RYR2: variants seen among roughly 807,000 people sequenced by gnomAD.
The protein encoded by RYR2 is ryanodine receptor 2, also known as cardiac muscle ryanodine receptor-calcium release channel.
Under a neutral mutation model 601.1 loss-of-function variants are expected in RYR2, and 227 were observed. That is an observed-to-expected ratio of 0.38 (90% CI 0.34 to 0.42). The LOEUF (loss-of-function observed/expected upper bound fraction) is 0.42. Among genes scored for constraint, RYR2 ranks in the 10% least tolerant of loss-of-function variants. The pLI, the probability that RYR2 is intolerant of heterozygous loss-of-function variation, is 1.00. For missense variants in RYR2, 4,646 were observed against 6,156.5 expected (o/e 0.75, Z 8.21); for synonymous variants, 2,223 against 2,175.1 (o/e 1.02, Z -0.61).
intron 1 of RYR2, 102 bp from the exon 2 acceptor site, chr1:237,270,395 A>T (rs1320000460): frequency 6.7e-7 from 1 of 1,484,162 alleles, no homozygotes; most frequent in Non-Finnish European, 9.2e-7. Context: ...TTCGGCACAG[A>T]TTTTTAAAAT....
At chr1:237,511,296 C>CAAAA (rs764004466) in intron 23 of RYR2, among the ~76,000 whole-genome samples, 1 of 88,232 alleles carries the variant, frequency 1.1e-5, no homozygotes, top group Non-Finnish European at 2.4e-5. Flanking sequence ...GTGTATGGAC[C>CAAAA]AAAAAAAAAA....
chr1:237,047,387 G>T (rs77605052), intron 1 of RYR2, among the ~76,000 whole-genome samples: 16,089 of 102,276 alleles, frequency 0.16, 1,202 homozygotes, highest in Admixed American at 0.28. Flanking sequence ...ATCCTTTCTA[G>T]CCTTTTTTTT....
rs191382834 is a variant in RYR2 at position 237,801,413 on chromosome 1, A to G, written c.14091-443A>G. ...AAAAATTCGCTGGGAGCGGTAGCACATGCCTGTAATCCCAGCTACTCGGGA... is the reference window on the plus strand; with the variant it reads ...AAAAATTCGCTGGGAGCGGTAGCACGTGCCTGTAATCCCAGCTACTCGGGA... On this transcript the variant is annotated intron_variant, in intron 97 of 104. Coordinates refer to ENST00000366574, the MANE Select transcript of RYR2 (RefSeq NM_001035.3). Among the ~76,000 whole-genome samples, 6 of 151,052 alleles carry G rather than the reference A, an allele frequency of 4.0e-5. No homozygotes were observed. In the East Asian group the frequency reaches 9.8e-4, roughly 25 times the overall value.
intron 9 of RYR2, 87 bp from the exon 10 acceptor site, chr1:237,388,000 A>G: frequency 8.1e-7 from 1 of 1,234,638 alleles, no homozygotes; most frequent in Admixed American, 2.0e-5. Flanking sequence ...TTTCTTTACG[A>G]AAGTAGAAGA....
At chr1:237,381,319 T>C (rs968855231) in intron 8 of RYR2, among the ~76,000 whole-genome samples, 2 of 136,828 alleles carry the variant, frequency 1.5e-5, no homozygotes, top group East Asian at 4.5e-4. Flanking sequence ...GAAGAAGAGA[T>C]AGTTGGGAAA....
At chr1:237,246,426 C>CTG (rs760076833) in intron 1 of RYR2, among the ~76,000 whole-genome samples, 25 of 152,144 alleles carry the variant, frequency 1.6e-4, no homozygotes, top group Non-Finnish European at 3.1e-4. Context: ...TTGTTTTGTC[C>CTG]TGTCTCTGCC....
At chr1:237,200,337 T>A (rs913066738) in intron 1 of RYR2, among the ~76,000 whole-genome samples, 1 of 152,130 alleles carries the variant, frequency 6.6e-6, no homozygotes, top group Non-Finnish European at 1.5e-5. Context: ...TGATCTTCAT[T>A]CACTGCAGCC....
intron 2 of RYR2, among the ~76,000 whole-genome samples, chr1:237,326,617 A>G (rs1696200348): frequency 6.6e-6 from 1 of 152,232 alleles, no homozygotes; most frequent in African/African-American, 2.4e-5. Flanking sequence ...AGCGTACTAT[A>G]TGAAAGTTCT....
intron 101 of RYR2, among the ~76,000 whole-genome samples, chr1:237,821,377 G>T (rs1204144760): frequency 1.3e-5 from 2 of 152,146 alleles, no homozygotes; most frequent in Non-Finnish European, 2.9e-5. Flanking sequence ...GTGATACCCA[G>T]GCAAACAGGG....
Position 237,660,081 on chromosome 1 carries a change from A to AT in RYR2, c.8298+13dup. 6.8e-7 allele frequency: 1 copy of AT among 1,473,502 alleles called. No homozygotes were observed. The highest frequency in any genetic ancestry group is 9.0e-7 in the Non-Finnish European group (1 of 1,106,462). 91.3% of individuals were successfully genotyped at this position (1,473,502 alleles called of 1,614,324 possible). ...TAAGCTATTGTCTGAAAAGGTAAGG[A>AT]TTTTTTGTTTGTTTTAGTTTGTAAA... On this transcript the variant is annotated splice_region_variant and intron_variant, in intron 55 of 104. Coordinates refer to ENST00000366574, the MANE Select transcript of RYR2 (RefSeq NM_001035.3).
chr1:237,474,479 C>A (rs1176120709), intron 17 of RYR2, among the ~76,000 whole-genome samples: 2 of 151,930 alleles, frequency 1.3e-5, no homozygotes, highest in Non-Finnish European at 2.9e-5. Context: ...TTACAGACAA[C>A]CAGAAACATA....
At chr1:237,471,633 A>G (rs1193416686) in intron 17 of RYR2, among the ~76,000 whole-genome samples, 1 of 151,624 alleles carries the variant, frequency 6.6e-6, no homozygotes, top group Non-Finnish European at 1.5e-5. Context: ...ACTGGAAAAC[A>G]GAGAGAGAAA....
intron 1 of RYR2, among the ~76,000 whole-genome samples, chr1:237,060,404 T>G (rs1207267865): frequency 6.6e-6 from 1 of 152,174 alleles, no homozygotes; most frequent in African/African-American, 2.4e-5. Context: ...AAAGGAAACT[T>G]AAAAATTGAA....
intron 10 of RYR2, among the ~76,000 whole-genome samples, chr1:237,416,105 G>T (rs542689562): frequency 1.3e-5 from 2 of 152,292 alleles, no homozygotes; most frequent in East Asian, 3.9e-4. Context: ...GTGTTAAAAA[G>T]AAAGTAAGTC....
intron 12 of RYR2, among the ~76,000 whole-genome samples, chr1:237,426,563 A>C (rs2150074123): frequency 6.6e-6 from 1 of 152,358 alleles, no homozygotes; most frequent in East Asian, 1.9e-4. Flanking sequence ...TGATGGTAGA[A>C]ACCCTTTTCA....
intron 2 of RYR2, among the ~76,000 whole-genome samples, chr1:237,278,224 C>T (rs1220444872): frequency 6.9e-6 from 1 of 144,958 alleles, no homozygotes; most frequent in Non-Finnish European, 1.5e-5. Context: ...GCACACACTA[C>T]TATGCCCAGC....
At position 237,067,344 on chromosome 1, in the gene RYR2, A is replaced by G. The variant is rs566255279; in HGVS notation, c.48+24775A>G. Among the ~76,000 whole-genome samples the G allele has an allele frequency of 2.0e-5, 3 of 152,286 alleles. No homozygotes were observed. The South Asian group carries it at 6.2e-4, about 32-fold the overall frequency. ...TGAATAAGGTATGAGACTCAGGTAG[A>G]GATTCTATTTTTTTCCTGTCTCCAA... On this transcript the variant is annotated intron_variant, in intron 1 of 104. Transcript: ENST00000366574.
At chr1:237,615,510 G>T (rs2148602867) in intron 37 of RYR2, among the ~76,000 whole-genome samples, 1 of 152,256 alleles carries the variant, frequency 6.6e-6, no homozygotes, top group East Asian at 1.9e-4. Flanking sequence ...ATGTTTTTAA[G>T]GAATCAGACA....
At chr1:237,617,255 TA>T in intron 37 of RYR2, 30 bp from the exon 38 acceptor site, 3 of 1,553,914 alleles carry the variant, frequency 1.9e-6, no homozygotes, top group Non-Finnish European at 2.6e-6. Flanking sequence ...ATTTAGAAAT[TA>T]AATTTGGTGT....
Sources: allele counts gnomAD v4.1 joint callset (sites outside exome capture counted in the v4.1 genomes callset), GRCh38; gene constraint gnomAD v4.1.1; transcripts MANE v1.5; gene names NCBI Gene and HGNC (gene_info 2026-07-23, HGNC 2026-07-21).